Variants in WDR11 observed in about 807,000 individuals in gnomAD.
WDR11 encodes WD repeat domain 11.
A neutral mutation model predicts 151.2 loss-of-function variants in WDR11; 83 were observed. That is an observed-to-expected ratio of 0.55 (90% CI 0.46 to 0.66). WDR11 has a LOEUF of 0.66. WDR11 is among the 30% of genes least tolerant of loss of function. The probability of loss-of-function intolerance (pLI) is 0.00; values close to 1 mark genes in which losing one functional copy is unlikely to be tolerated. For missense variants in WDR11, 1,301 were observed against 1,480.9 expected, an observed-to-expected ratio of 0.88 and a Z score of 1.99; for synonymous variants, 484 against 533.1, an observed-to-expected ratio of 0.91 and a Z score of 1.27.
chr10:120,888,212 C>A (rs971903932), intron 16 of WDR11, among the ~76,000 whole-genome samples: 2 of 152,226 alleles, frequency 1.3e-5, no homozygotes, highest in African/African-American at 4.8e-5. Flanking sequence ...TGACTATTTA[C>A]TGCATGGCAG....
intron 17 of WDR11, chr10:120,889,404 A>G: frequency 2.1e-6 from 1 of 471,348 alleles, no homozygotes; most frequent in South Asian, 2.1e-5. Context: ...CGCCCGGCTA[A>G]TTTTTTTGTA....
At chr10:120,877,020 G>A (rs975033141) in intron 11 of WDR11, among the ~76,000 whole-genome samples, 2 of 152,164 alleles carry the variant, frequency 1.3e-5, no homozygotes, top group African/African-American at 4.8e-5. Flanking sequence ...GCCAAGATTT[G>A]TGCTAAGAAT....
chr10:120,864,226 A>C (rs996821860), intron 5 of WDR11, among the ~76,000 whole-genome samples: 2 of 152,160 alleles, frequency 1.3e-5, no homozygotes, highest in African/African-American at 4.8e-5. Context: ...CAACTAGGAC[A>C]TGGCAGTCGG....
chr10:120,873,047 A>G (rs1846603471), intron 10 of WDR11, among the ~76,000 whole-genome samples: 1 of 152,186 alleles, frequency 6.6e-6, no homozygotes, highest in Non-Finnish European at 1.5e-5. Context: ...TTTCTCATGT[A>G]TGTCCGTGTC....
chr10:120,906,060 G>A (rs370681936), intron 27 of WDR11, 39 bp downstream of exon 27: 271 of 1,612,374 alleles, frequency 1.7e-4, no homozygotes, highest in Admixed American at 2.7e-4. Context: ...AGGCCTGCCC[G>A]TGAGCAGTCA....
chr10:120,856,129 C>G (rs1845936906), intron 2 of WDR11: 1 of 152,178 alleles, frequency 6.6e-6, no homozygotes, highest in Non-Finnish European at 1.5e-5. Flanking sequence ...GAAGAATTTA[C>G]TGTAAGTTCT....
In WDR11 at chr10:120,909,074, A is replaced by G. The variant is rs1420319937; in HGVS notation, c.*361A>G. ...AAATGTAAAGATTATTGAGAAACCT[A>G]TAGTAAATGAAATTTGTGAGATGTT... On this transcript the variant is annotated 3_prime_UTR_variant, in exon 29 of 29. Coordinates refer to ENST00000263461, the MANE Select transcript of WDR11 (RefSeq NM_018117.12). 3.6e-6 allele frequency: 1 copy of G among 281,386 alleles called. No homozygotes were observed. The highest frequency in any genetic ancestry group is 2.2e-5 in the African/African-American group (1 of 45,646). 17.4% of individuals were successfully genotyped at this position (281,386 alleles called of 1,614,324 possible). A position where few individuals can be genotyped will look rare whatever the true frequency, so the allele number is the denominator to read the frequency against.
At position 120,909,169 on chromosome 10, in the gene WDR11, TTTAAACTAGTA is replaced by T. The variant is rs1359835351; in HGVS notation, c.*462_*472del. 3 of 167,236 alleles carry T rather than the reference TTTAAACTAGTA, an allele frequency of 1.8e-5. No individual in the cohort carries two copies. The highest frequency in any genetic ancestry group is 2.6e-5 in the Non-Finnish European group (2 of 75,862). 10.4% of individuals were successfully genotyped at this position (167,236 alleles called of 1,614,324 possible). A position where few individuals can be genotyped will look rare whatever the true frequency, so the allele number is the denominator to read the frequency against. On this transcript the variant is annotated 3_prime_UTR_variant, in exon 29 of 29. Transcript: ENST00000263461. ...GAGAGATACAAACAAGGCAGAAACA[TTTAAACTAGTA>T]TTAAAGGTAGTTTACCAAAGCATTT...
intron 27 of WDR11, 87 bp from the exon 28 acceptor site, chr10:120,906,689 G>A (rs1848064150): frequency 1.9e-6 from 3 of 1,610,526 alleles, no homozygotes; most frequent in Non-Finnish European, 2.5e-6. Flanking sequence ...CAGGGAAAAT[G>A]TGTAAATGTC....
chr10:120,904,511 T>C, intron 24 of WDR11, 135 bp from the exon 25 acceptor site: 1 of 1,121,918 alleles, frequency 8.9e-7, no homozygotes, highest in Non-Finnish European at 1.3e-6. Context: ...GTTTAATGTT[T>C]GTATTTGTAA....
chr10:120,880,990 G>A (rs1846985060), intron 13 of WDR11, 89 bp downstream of exon 13: 3 of 1,154,256 alleles, frequency 2.6e-6, no homozygotes, highest in South Asian at 1.3e-5. Flanking sequence ...GGAATGTGCT[G>A]GAATGCATAT....
chr10:120,889,142 A>G lies in WDR11; in HGVS notation c.2186A>G (p.Asp729Gly). 1.2e-6 allele frequency: 2 copies of G among 1,613,976 alleles called. No homozygotes were observed. Among genetic ancestry groups the G allele is most frequent in the South Asian group, 2.2e-5 (2 of 91,074 alleles). ...KGDTLVLGDMDGNLNFWDLKG... is the reference protein window; with the variant it reads ...KGDTLVLGDMGGNLNFWDLKG... ...GATACATTAGTGCTTGGAGATATGG[A>G]TGGAAATTTAAATTTCTGGGACTTG... The change falls in exon 17 of 29, where the codon GAT (aspartate) becomes GGT (glycine). Residue 729 changes from aspartate to glycine, a missense_variant. By Grantham distance (94) the Asp-to-Gly change is moderately conservative (BLOSUM62 -1). Transcript: ENST00000263461.
intron 23 of WDR11, among the ~76,000 whole-genome samples, chr10:120,903,608 G>A (rs983678771): frequency 9.9e-5 from 15 of 151,058 alleles, no homozygotes; most frequent in South Asian, 2.1e-4. Context: ...CAGTTACTGC[G>A]TTGTTTACTA....
At chr10:120,902,698 C>A (rs1847873729) in intron 22 of WDR11, among the ~76,000 whole-genome samples, 1 of 139,462 alleles carries the variant, frequency 7.2e-6, no homozygotes, top group Non-Finnish European at 1.5e-5. Context: ...GAATAAATAG[C>A]ACATTACTTT....
intron 13 of WDR11, among the ~76,000 whole-genome samples, chr10:120,882,408 A>T (rs1847041919): frequency 6.6e-6 from 1 of 151,680 alleles, no homozygotes; most frequent in African/African-American, 2.4e-5. Context: ...GTTGTAAAGT[A>T]TTCTCTCTCC....
Position 120,874,191 on chromosome 10 carries a change from TTG to T in WDR11, c.1556+270_1556+271del, listed in dbSNP as rs1293034196. Among the ~76,000 whole-genome samples the T allele has an allele frequency of 8.0e-4, 51 of 63,712 alleles. 2 individuals carry two copies. The highest frequency in any genetic ancestry group is 2.9e-3 in the South Asian group (5 of 1,702). The allele number at this position is 63,712 out of a possible 152,430, so 41.8% of individuals were successfully genotyped here. A position where few individuals can be genotyped will look rare whatever the true frequency, so the allele number is the denominator to read the frequency against. The stretch of plus-strand genomic sequence containing the variant: ...GGTTTTTGCAGTTTTTTTTTTTTTT[TTG>T]TTGTTGTTGTTGTTGTTTGTTTTGT... On this transcript the variant is annotated intron_variant, in intron 11 of 28. Coordinates refer to ENST00000263461, the MANE Select transcript of WDR11 (RefSeq NM_018117.12).
At chr10:120,884,858 A>G (rs1432499441) in intron 14 of WDR11, among the ~76,000 whole-genome samples, 1 of 152,218 alleles carries the variant, frequency 6.6e-6, no homozygotes, top group African/African-American at 2.4e-5. Context: ...GGAATGTTCA[A>G]ACTCATCAGT....
rs1846336967 is a variant in WDR11, at chr10:120,866,967, A to G, written c.1191-99A>G. 15 of 1,118,668 alleles carry G rather than the reference A, an allele frequency of 1.3e-5. No individual in the cohort carries two copies. In the Middle Eastern group the frequency reaches 7.5e-4, roughly 56 times the overall value. The allele number at this position is 1,118,668 out of a possible 1,614,324, so 69.3% of individuals were successfully genotyped here. On this transcript the variant is annotated intron_variant, in intron 8 of 28. Coordinates refer to ENST00000263461, the MANE Select transcript of WDR11 (RefSeq NM_018117.12). ...GGTAAGATGAATGAATAATATAAAA[A>G]TAGATAGAATGCCATAATCTGGACT...
intron 23 of WDR11, 48 bp downstream of exon 23, chr10:120,903,280 C>CT (rs769306706): frequency 6.2e-7 from 1 of 1,600,898 alleles, no homozygotes. Context: ...ATCTTGATTA[C>CT]TTATATCTTT....
Sources: gnomAD v4.1 joint callset for allele counts (sites outside exome capture counted in the v4.1 genomes callset) on GRCh38, gnomAD v4.1.1 for gene constraint, MANE v1.5 for transcripts, NCBI Gene and HGNC (gene_info 2026-07-23, HGNC 2026-07-21) for gene names.